The following CDH20 variants were observed in gnomAD, a reference collection of about 807,000 sequenced individuals.
CDH20 encodes the protein cadherin 20.
Under a neutral mutation model 74.2 loss-of-function variants are expected in CDH20, and 29 were observed. The ratio of observed to expected loss-of-function variants is 0.39; its 90% CI spans 0.29 to 0.53. The LOEUF is 0.53. CDH20 is among the 20% of genes least tolerant of loss of function. The pLI is 0.69. For synonymous variants in CDH20, 469 were observed against 405.4 expected (o/e 1.16, Z -1.88); for missense variants, 988 against 1,048.3 (o/e 0.94, Z 0.79).
At chr18:61,552,706 T>TA (rs1336637628) in intron 11 of CDH20, among the ~76,000 whole-genome samples, 1 of 152,222 alleles carries the variant, frequency 6.6e-6, no homozygotes, top group African/African-American at 2.4e-5. Flanking sequence ...ATAATCTCCT[T>TA]AGATTACAAG....
rs534218698 is a variant in CDH20 at position 61,515,373 on chromosome 18, C to T, written c.1017+7813C>T. 3.8e-3 allele frequency among the ~76,000 whole-genome samples: 576 copies of T among 152,014 alleles called. 2 individuals carry two copies. The highest frequency in any genetic ancestry group is 6.9e-3 in the Non-Finnish European group (471 of 67,968). ...CCTGCTTCGGCTCGCGCACGGTGCA[C>T]GCACCCACTGACCTGCGCCCACTGT... On this transcript the variant is annotated intron_variant, in intron 6 of 11. Coordinates refer to ENST00000262717, the MANE Select transcript of CDH20 (RefSeq NM_031891.4).
At chr18:61,509,549 G>T (rs1475614558) in intron 6 of CDH20, among the ~76,000 whole-genome samples, 1 of 152,196 alleles carries the variant, frequency 6.6e-6, no homozygotes, top group East Asian at 1.9e-4. Flanking sequence ...AGGAGATGAG[G>T]TCTGAAAAGT....
chr18:61,474,085 C>T (rs1489875335), intron 1 of CDH20, among the ~76,000 whole-genome samples: 2 of 152,204 alleles, frequency 1.3e-5, no homozygotes, highest in Non-Finnish European at 2.9e-5. Context: ...ATCTCCCACC[C>T]CTGGCAGGTC....
At position 61,536,552 on chromosome 18, in the gene CDH20, G is replaced by A; in HGVS notation, c.1331G>A (p.Gly444Asp). The change falls in exon 8 of 12, where the codon GGT becomes GAT. Residue 444 changes from glycine (G) to aspartate (D), a missense_variant. By Grantham distance (94) the Gly-to-Asp change is moderately conservative. Around this residue, in one of 2 missense-constraint regions of CDH20, gnomAD observed 613 missense variants for 755.2 expected, o/e 0.81. Transcript: ENST00000262717. Reference protein sequence around the residue: ...GRFFYVDITTGALMTARPLDR... With the variant: ...GRFFYVDITTDALMTARPLDR... The stretch of plus-strand genomic sequence containing the variant: ...TTTTTCTATGTTGACATTACAACAG[G>A]TGCCCTAATGACAGCAAGACCCCTA... 6.2e-7 allele frequency: 1 copy of A among 1,613,066 alleles called. No individual in the cohort carries two copies. The highest frequency in any genetic ancestry group is 8.5e-7 in the Non-Finnish European group (1 of 1,179,022).
In CDH20 at chr18:61,353,506, G is replaced by C. The variant is rs1489990533; in HGVS notation, c.-153+19679G>C. Among the ~76,000 whole-genome samples the C allele has an allele frequency of 6.6e-6, 1 of 152,142 alleles. No individual in the cohort carries two copies. The highest frequency in any genetic ancestry group is 1.9e-4 in the East Asian group (1 of 5,192). On this transcript the variant is annotated intron_variant, in intron 1 of 11. Coordinates refer to ENST00000262717, the MANE Select transcript of CDH20 (RefSeq NM_031891.4). This position sits in a 1 kb window ranked among gnomAD's most constrained non-coding sequence, Gnocchi z 4.6. Reference sequence around the variant, plus strand: ...ACTTGTGGTCCTCTTGTTTTTTCTAGAAGATGATCTGTAATTGTATAGACA... The same window carrying C: ...ACTTGTGGTCCTCTTGTTTTTTCTACAAGATGATCTGTAATTGTATAGACA...
intron 1 of CDH20, among the ~76,000 whole-genome samples, chr18:61,480,549 T>A (rs893642267): frequency 2.6e-5 from 4 of 152,232 alleles, no homozygotes; most frequent in Admixed American, 2.6e-4. Context: ...ATGGTTGCAC[T>A]GAGTTTCTCA....
At chr18:61,530,886 C>T (rs1433947833) in intron 7 of CDH20, among the ~76,000 whole-genome samples, 1 of 152,170 alleles carries the variant, frequency 6.6e-6, no homozygotes, top group Non-Finnish European at 1.5e-5. Flanking sequence ...CTCCCAAATT[C>T]AGAGGATGTC....
At chr18:61,523,621 T>A (rs1912289304) in intron 6 of CDH20, among the ~76,000 whole-genome samples, 1 of 152,184 alleles carries the variant, frequency 6.6e-6, no homozygotes, top group Non-Finnish European at 1.5e-5. Flanking sequence ...CATGCACACG[T>A]ATGTTTATTA....
intron 1 of CDH20, among the ~76,000 whole-genome samples, chr18:61,432,470 C>T (rs1342673601): frequency 6.6e-6 from 1 of 152,114 alleles, no homozygotes; most frequent in Non-Finnish European, 1.5e-5. Flanking sequence ...AAACTCAAAA[C>T]ATGTTGCTAA....
At chr18:61,504,526 C>T (rs905969687) in intron 5 of CDH20, among the ~76,000 whole-genome samples, 1 of 152,006 alleles carries the variant, frequency 6.6e-6, no homozygotes. Flanking sequence ...GACAGCAGGA[C>T]AATCAGGTTG....
intron 1 of CDH20, among the ~76,000 whole-genome samples, chr18:61,426,830 T>C (rs894152843): frequency 2.6e-5 from 4 of 152,238 alleles, no homozygotes; most frequent in African/African-American, 9.6e-5. Flanking sequence ...GCAGAGCCTG[T>C]GTGCTCTGTC....
At chr18:61,448,128 T>A (rs576045362) in intron 1 of CDH20, among the ~76,000 whole-genome samples, 1 of 152,268 alleles carries the variant, frequency 6.6e-6, no homozygotes, top group African/African-American at 2.4e-5. Flanking sequence ...TCAGATAACA[T>A]GTCTAAGACA....
At chr18:61,388,317 G>A (rs1911668332) in intron 1 of CDH20, among the ~76,000 whole-genome samples, 1 of 152,184 alleles carries the variant, frequency 6.6e-6, no homozygotes, top group African/African-American at 2.4e-5. Context: ...AATCTGGAGT[G>A]ACAGCCCTTA....
chr18:61,521,934 T>C (rs1303136013), intron 6 of CDH20, among the ~76,000 whole-genome samples: 1 of 152,060 alleles, frequency 6.6e-6, no homozygotes, highest in Non-Finnish European at 1.5e-5. Flanking sequence ...TAATAAAAGC[T>C]ATTTATGACA....
intron 11 of CDH20, among the ~76,000 whole-genome samples, chr18:61,553,053 A>G (rs1223636963): frequency 1.3e-5 from 2 of 152,188 alleles, no homozygotes; most frequent in African/African-American, 4.8e-5. Context: ...ATCTGGGAAA[A>G]TATTACGTAT....
At chr18:61,410,536 C>G (rs1254453611) in intron 1 of CDH20, among the ~76,000 whole-genome samples, 3 of 152,092 alleles carry the variant, frequency 2.0e-5, no homozygotes, top group Admixed American at 1.3e-4. Context: ...CCATTTTCTT[C>G]CTTCCAGATA....
Position 61,368,243 on chromosome 18 carries a change from T to C in CDH20, c.-153+34416T>C, listed in dbSNP as rs187046588. Among the ~76,000 whole-genome samples the C allele has an allele frequency of 7.9e-5, 12 of 152,226 alleles. No homozygotes were observed. In the East Asian group the frequency reaches 1.3e-3, roughly 17 times the overall value. On this transcript the variant is annotated intron_variant, in intron 1 of 11. Transcript: ENST00000262717. ...CCCTTTGCCATATGACATAACATATTCACAGGTTCTGGGAATAAGGATGTG... is the reference window on the plus strand; with the variant it reads ...CCCTTTGCCATATGACATAACATATCCACAGGTTCTGGGAATAAGGATGTG...
chr18:61,546,031 A>C (rs1425461865), intron 10 of CDH20, among the ~76,000 whole-genome samples: 1 of 152,218 alleles, frequency 6.6e-6, no homozygotes, highest in Non-Finnish European at 1.5e-5. Context: ...AAGAAAAAAA[A>C]AGGTCAGGGC....
chr18:61,430,913 G>A (rs1191596955), intron 1 of CDH20, among the ~76,000 whole-genome samples: 1 of 152,136 alleles, frequency 6.6e-6, no homozygotes, highest in Non-Finnish European at 1.5e-5. Flanking sequence ...TTTTCCTGGA[G>A]AATGGTATTG....
Sources: gnomAD v4.1 joint callset for allele counts (sites outside exome capture counted in the v4.1 genomes callset) on GRCh38, gnomAD v4.1.1 for gene constraint, gnomAD v4.1.1 regional missense constraint, Gnocchi (gnomAD v3.1) non-coding constraint, MANE v1.5 for transcripts, NCBI Gene and HGNC (gene_info 2026-07-23, HGNC 2026-07-21) for gene names.